SEMA5A: variants seen among roughly 807,000 people sequenced by gnomAD.
The protein encoded by SEMA5A is semaphorin-5A.
In SEMA5A, 55 loss-of-function variants were observed where a neutral mutation model predicts 135.5. That is an observed-to-expected ratio of 0.41 (90% confidence interval 0.33 to 0.51). SEMA5A has a LOEUF of 0.51. Among genes scored for constraint, SEMA5A ranks in the 20% least tolerant of loss-of-function variants. SEMA5A has a pLI of 0.37. For missense variants in SEMA5A, 1,290 were observed against 1,419.9 expected, an observed-to-expected ratio of 0.91 and a Z score of 1.47; for synonymous variants, 580 against 546.5, an observed-to-expected ratio of 1.06 and a Z score of -0.85.
chr5:9,344,630 G>T (rs560710865), intron 3 of SEMA5A, among the ~76,000 whole-genome samples: 1 of 152,150 alleles, frequency 6.6e-6, no homozygotes, highest in Non-Finnish European at 1.5e-5. Context: ...CCAGGGGAAA[G>T]AAGATCTCAA....
chr5:9,051,676 T>G (rs937745631), intron 20 of SEMA5A, among the ~76,000 whole-genome samples, 197 bp downstream of exon 20: 2 of 152,244 alleles, frequency 1.3e-5, no homozygotes, highest in African/African-American at 4.8e-5. Context: ...TAAGAAATCT[T>G]AAATTCATGA....
intron 15 of SEMA5A, among the ~76,000 whole-genome samples, chr5:9,112,851 A>C (rs966017656): frequency 1.3e-5 from 2 of 152,222 alleles, no homozygotes; most frequent in Non-Finnish European, 2.9e-5. Flanking sequence ...TATGTTACAT[A>C]GATTGTAATA....
chr5:9,391,460 T>C (rs901207028), intron 2 of SEMA5A, among the ~76,000 whole-genome samples: 1 of 152,166 alleles, frequency 6.6e-6, no homozygotes, highest in Non-Finnish European at 1.5e-5. Flanking sequence ...GACAAAGAAT[T>C]GCCTCCCAAC....
chr5:9,369,542 G>C (rs1289330548), intron 3 of SEMA5A, among the ~76,000 whole-genome samples: 1 of 152,078 alleles, frequency 6.6e-6, no homozygotes, highest in Admixed American at 6.5e-5. Flanking sequence ...AATATTTAGA[G>C]TTTACTTTTT....
chr5:9,050,277 C>A, intron 21 of SEMA5A, 133 bp downstream of exon 21: 1 of 751,656 alleles, frequency 1.3e-6, no homozygotes, highest in Non-Finnish European at 2.1e-6. Context: ...AGGTAGAATG[C>A]CTGGGATCCA....
intron 1 of SEMA5A, among the ~76,000 whole-genome samples, chr5:9,518,739 T>C (rs1488372348): frequency 6.6e-6 from 1 of 152,132 alleles, no homozygotes; most frequent in African/African-American, 2.4e-5. Context: ...CACTGCTTGA[T>C]CTTAATGGAA....
intron 1 of SEMA5A, among the ~76,000 whole-genome samples, chr5:9,466,218 G>T (rs183955463): frequency 1.3e-3 from 203 of 151,378 alleles, no homozygotes; most frequent in African/African-American, 4.7e-3. Flanking sequence ...GGGGACTGTT[G>T]TGGGGTGAGG....
chr5:9,323,928 T>C (rs1362171257), intron 4 of SEMA5A, among the ~76,000 whole-genome samples: 1 of 149,848 alleles, frequency 6.7e-6, no homozygotes, highest in East Asian at 2.0e-4. Context: ...GGATTACAGG[T>C]GTGAGCCACC....
chr5:9,229,157 G>A (rs1225339802), intron 6 of SEMA5A, among the ~76,000 whole-genome samples: 2 of 152,168 alleles, frequency 1.3e-5, no homozygotes, highest in Non-Finnish European at 2.9e-5. Flanking sequence ...ATTCCTAACA[G>A]TAATAGTAAC....
At chr5:9,464,141 C>A (rs1759166023) in intron 1 of SEMA5A, among the ~76,000 whole-genome samples, 1 of 152,124 alleles carries the variant, frequency 6.6e-6, no homozygotes, top group African/African-American at 2.4e-5. Context: ...AATGACAACA[C>A]CAAAAATATC....
chr5:9,287,379 C>T (rs1468291896), intron 5 of SEMA5A, among the ~76,000 whole-genome samples: 3 of 152,114 alleles, frequency 2.0e-5, no homozygotes, highest in Non-Finnish European at 4.4e-5. Flanking sequence ...GACACTACAT[C>T]CTTTCATATA....
At chr5:9,426,818 G>A (rs1052014024) in intron 2 of SEMA5A, among the ~76,000 whole-genome samples, 2 of 152,156 alleles carry the variant, frequency 1.3e-5, no homozygotes, top group African/African-American at 2.4e-5. Context: ...GAAAATGAGA[G>A]TCAAAGTTAG....
At chr5:9,439,525 AAACAGGGCT>A (rs1277192948) in intron 1 of SEMA5A, among the ~76,000 whole-genome samples, 1 of 152,210 alleles carries the variant, frequency 6.6e-6, no homozygotes, top group Non-Finnish European at 1.5e-5. Context: ...ACTACATTAA[AAACAGGGCT>A]AATAGGTCTC....
intron 5 of SEMA5A, among the ~76,000 whole-genome samples, chr5:9,260,816 C>T (rs1349417480): frequency 3.3e-5 from 2 of 61,384 alleles, no homozygotes; most frequent in Non-Finnish European, 3.4e-5. Flanking sequence ...TGGAAGCATT[C>T]CCTTTGAAAA....
chr5:9,379,867 G>A lies in SEMA5A; in HGVS notation c.80C>T (p.Thr27Met), dbSNP rs148774882. The A allele has an allele frequency of 2.4e-5, 38 of 1,613,842 alleles. No homozygotes were observed. The African/African-American group carries it at 2.5e-4, about 11-fold the overall frequency. Residue 27 changes from threonine (T) to methionine (M), a missense_variant, in exon 3 of 23, where the codon ACG becomes ATG. By Grantham distance (81) the Thr-to-Met change is moderately conservative. Transcript: ENST00000382496. Reference protein sequence around the residue: ...WRLAHPEAQGTTQCQRTEHPV... With the variant: ...WRLAHPEAQGMTQCQRTEHPV... ...ATGCTCGGTTCTCTGGCACTGAGTC[G>A]TACCCTGGGCCTCTGGGTGGGCGAG... is the stretch of plus-strand genomic sequence containing the variant.
At chr5:9,514,182 C>A (rs1183144778) in intron 1 of SEMA5A, among the ~76,000 whole-genome samples, 1 of 152,172 alleles carries the variant, frequency 6.6e-6, no homozygotes, top group Non-Finnish European at 1.5e-5. Context: ...CTTCACATCG[C>A]CTTTTCCTCT....
intron 2 of SEMA5A, among the ~76,000 whole-genome samples, chr5:9,399,309 A>T (rs1259547626): frequency 6.6e-6 from 1 of 152,204 alleles, no homozygotes; most frequent in Non-Finnish European, 1.5e-5. Flanking sequence ...TATAATGTGG[A>T]TGCTATAACA....
At chr5:9,434,848 C>T (rs1046771926) in intron 2 of SEMA5A, among the ~76,000 whole-genome samples, 4 of 152,140 alleles carry the variant, frequency 2.6e-5, no homozygotes, top group Non-Finnish European at 5.9e-5. Context: ...TTATCAGGCT[C>T]TTGAGTTTGC....
At position 9,400,551 on chromosome 5, in the gene SEMA5A, G is replaced by T. The variant is rs1174633251; in HGVS notation, c.-77-20528C>A. Among the ~76,000 whole-genome samples the T allele has an allele frequency of 8.9e-5, 4 of 44,716 alleles. No homozygotes were observed. The East Asian group carries it at 4.4e-3, about 50-fold the overall frequency. 29.3% of individuals were successfully genotyped at this position (44,716 alleles called of 152,430 possible). On this transcript the variant is annotated intron_variant, in intron 2 of 22. Coordinates refer to ENST00000382496, the MANE Select transcript of SEMA5A (RefSeq NM_003966.3). ...AGACGGAGTCTCGCTCTGTCGCCCA[G>T]GCTGGAGTGCAGTGGCGGGATCTCG...
Sources: allele counts gnomAD v4.1 joint callset (sites outside exome capture counted in the v4.1 genomes callset), GRCh38; gene constraint gnomAD v4.1.1; transcripts MANE v1.5; gene names NCBI Gene and HGNC (gene_info 2026-07-23, HGNC 2026-07-21).